The following ETFA variants were observed in gnomAD, a reference collection of about 807,000 sequenced individuals.
The protein encoded by ETFA is electron transfer flavoprotein subunit alpha, mitochondrial.
In ETFA, 22 loss-of-function variants were observed where a neutral mutation model predicts 46.2. The observed-to-expected ratio is 0.48, with a 90% CI of 0.34 to 0.68. ETFA has a LOEUF of 0.68. Among genes scored for constraint, ETFA ranks in the 30% least tolerant of loss-of-function variants. ETFA has a pLI of 0.01. For synonymous variants in ETFA, 131 were observed against 139.9 expected, an observed-to-expected ratio of 0.94 and a Z score of 0.45; for missense variants, 345 against 401.1, an observed-to-expected ratio of 0.86 and a Z score of 1.19.
At chr15:76,298,789 T>A (rs1226831989) in intron 1 of ETFA, among the ~76,000 whole-genome samples, 4 of 151,712 alleles carry the variant, frequency 2.6e-5, no homozygotes, top group African/African-American at 4.8e-5. Context: ...AAAAAAAAAA[T>A]AGCATTGTCA....
intron 8 of ETFA, among the ~76,000 whole-genome samples, chr15:76,280,914 T>G (rs1023742248): frequency 1.1e-4 from 13 of 117,466 alleles, no homozygotes; most frequent in African/African-American, 4.1e-4. Flanking sequence ...TTTGTTCAGA[T>G]GTCTTTTTTT....
chr15:76,235,994 CTT>C (rs2039118679), intron 9 of ETFA, among the ~76,000 whole-genome samples: 1 of 152,182 alleles, frequency 6.6e-6, no homozygotes, highest in Non-Finnish European at 1.5e-5. Flanking sequence ...AATCTTCAGA[CTT>C]TTACAGAAAT....
chr15:76,219,735 AACATC>A, intron 11 of ETFA, among the ~76,000 whole-genome samples: 1 of 152,358 alleles, frequency 6.6e-6, no homozygotes, highest in East Asian at 1.9e-4. Context: ...TTATGTGCTT[AACATC>A]ACTAGTTATT....
intron 4 of ETFA, among the ~76,000 whole-genome samples, chr15:76,291,160 G>A (rs1441056090): frequency 6.6e-6 from 1 of 152,142 alleles, no homozygotes; most frequent in Non-Finnish European, 1.5e-5. Context: ...AGGGTATGTT[G>A]AGCTACAATC....
At position 76,216,479 on chromosome 15, in the gene ETFA, AT is replaced by A; in HGVS notation, c.*79del. The A allele has an allele frequency of 2.3e-6, 2 of 864,864 alleles. No individual in the cohort carries two copies. Among genetic ancestry groups the A allele is most frequent in the Non-Finnish European group, 3.9e-6 (2 of 511,930 alleles). 53.6% of individuals were successfully genotyped at this position (864,864 alleles called of 1,614,324 possible). A position where few individuals can be genotyped will look rare whatever the true frequency, so the allele number is the denominator to read the frequency against. Reference sequence around the variant, plus strand: ...ATGTAGCTCTCCATGCTTTCCAATGATTGTTATAATACCCACAAATATCTGT... The same window carrying A: ...ATGTAGCTCTCCATGCTTTCCAATGATGTTATAATACCCACAAATATCTGT... On this transcript the variant is annotated 3_prime_UTR_variant, in exon 12 of 12. Transcript: ENST00000557943.
chr15:76,253,858 T>C (rs1463178846), intron 9 of ETFA, among the ~76,000 whole-genome samples: 1 of 152,196 alleles, frequency 6.6e-6, no homozygotes, highest in Non-Finnish European at 1.5e-5. Context: ...AGAGCACAAG[T>C]GAAGTAATGC....
At chr15:76,286,271 A>T in intron 6 of ETFA, 100 bp downstream of exon 6, 1 of 652,280 alleles carries the variant, frequency 1.5e-6, no homozygotes, top group Non-Finnish European at 2.7e-6. Flanking sequence ...TTCAAATACT[A>T]TTCATTAGAA....
intron 8 of ETFA, among the ~76,000 whole-genome samples, chr15:76,279,888 T>C (rs967691851): frequency 6.6e-6 from 1 of 151,736 alleles, no homozygotes; most frequent in Non-Finnish European, 1.5e-5. Flanking sequence ...GTCCTGAGTT[T>C]TTTTTTTTTT....
intron 5 of ETFA, among the ~76,000 whole-genome samples, chr15:76,286,851 T>C (rs1043330837): frequency 6.6e-6 from 1 of 152,186 alleles, no homozygotes; most frequent in Non-Finnish European, 1.5e-5. Context: ...AGGAAGAATG[T>C]AGCTACTGTG....
chr15:76,288,440 A>AGT (rs1476034678), intron 4 of ETFA, among the ~76,000 whole-genome samples: 1 of 152,136 alleles, frequency 6.6e-6, no homozygotes, highest in Non-Finnish European at 1.5e-5. Flanking sequence ...GGCCAGGTAC[A>AGT]GTGGCTGACA....
At chr15:76,246,434 A>C (rs749863688) in intron 9 of ETFA, among the ~76,000 whole-genome samples, 56 of 152,244 alleles carry the variant, frequency 3.7e-4, no homozygotes, top group Admixed American at 1.6e-3. Flanking sequence ...CAGACAGCCA[A>C]CATAATACCT....
chr15:76,286,582 A>C lies in ETFA; in HGVS notation c.452-101T>G. 5.3e-6 allele frequency: 4 copies of C among 759,362 alleles called. No individual in the cohort carries two copies. The South Asian group carries it at 5.9e-5, about 11-fold the overall frequency. 47.0% of individuals were successfully genotyped at this position (759,362 alleles called of 1,614,324 possible). A position where few individuals can be genotyped will look rare whatever the true frequency, so the allele number is the denominator to read the frequency against. On this transcript the variant is annotated intron_variant, in intron 5 of 11. Coordinates refer to ENST00000557943, the MANE Select transcript of ETFA (RefSeq NM_000126.4). Reference sequence around the variant, plus strand: ...TACTTCACAGACAAGGCAAGAAATAACTATTGACCAGTTGTCTTCTAACTC... The same window carrying C: ...TACTTCACAGACAAGGCAAGAAATACCTATTGACCAGTTGTCTTCTAACTC...
intron 9 of ETFA, chr15:76,259,649 G>A: frequency 2.2e-6 from 2 of 919,644 alleles, no homozygotes; most frequent in Non-Finnish European, 3.6e-6. Context: ...TGGAGGCACA[G>A]CCCTAACAAT....
At chr15:76,227,917 TG>T (rs1377197780) in intron 10 of ETFA, 2 of 455,962 alleles carry the variant, frequency 4.4e-6, no homozygotes, top group African/African-American at 2.0e-5. Flanking sequence ...CAGAGAAACA[TG>T]CTACACACAT....
At chr15:76,231,443 T>TA in intron 9 of ETFA, 45 bp from the exon 10 acceptor site, 1 of 1,208,354 alleles carries the variant, frequency 8.3e-7, no homozygotes, top group Non-Finnish European at 1.2e-6. Flanking sequence ...TTATATTATA[T>TA]AATACTTTCC....
intron 9 of ETFA, among the ~76,000 whole-genome samples, chr15:76,236,983 T>TA (rs1440740105): frequency 6.6e-6 from 1 of 152,158 alleles, no homozygotes. Flanking sequence ...AATTTAAAAA[T>TA]ACATGGAACA....
chr15:76,283,134 T>C (rs189204954), intron 8 of ETFA, among the ~76,000 whole-genome samples: 2 of 152,334 alleles, frequency 1.3e-5, no homozygotes, highest in East Asian at 3.9e-4. Context: ...AAAAAAAAGA[T>C]GAAAAACCAG....
chr15:76,273,603 AAAAT>A (rs1216090379), intron 9 of ETFA, among the ~76,000 whole-genome samples: 1 of 152,092 alleles, frequency 6.6e-6, no homozygotes, highest in East Asian at 1.9e-4. Flanking sequence ...TCAAAAATAA[AAAAT>A]AAGCCTTGAA....
chr15:76,287,449 C>T (rs891561085), intron 5 of ETFA, among the ~76,000 whole-genome samples: 8 of 152,006 alleles, frequency 5.3e-5, no homozygotes, highest in Admixed American at 3.3e-4. Flanking sequence ...ATTATAGGCA[C>T]GAGCCACTGC....
Sources: gnomAD v4.1 joint callset for allele counts (sites outside exome capture counted in the v4.1 genomes callset) on GRCh38, gnomAD v4.1.1 for gene constraint, MANE v1.5 for transcripts, NCBI Gene and HGNC (gene_info 2026-07-23, HGNC 2026-07-21) for gene names.